Variants in CYP7B1 observed in about 807,000 individuals in gnomAD.
CYP7B1 encodes cytochrome P450 7B1.
A neutral mutation model predicts 42.7 loss-of-function variants in CYP7B1; 29 were observed. The ratio of observed to expected loss-of-function variants is 0.68; its 90% CI spans 0.51 to 0.93. The LOEUF (loss-of-function observed/expected upper bound fraction) is 0.93. CYP7B1 is among the 40% of genes least tolerant of loss of function. CYP7B1 has a pLI of 0.00. For synonymous variants in CYP7B1, 235 were observed against 218.2 expected (o/e 1.08, Z -0.68); for missense variants, 655 against 600.5 (o/e 1.09, Z -0.95).
intron 5 of CYP7B1, among the ~76,000 whole-genome samples, chr8:64,601,359 C>A (rs186314741): frequency 2.6e-5 from 4 of 152,310 alleles, no homozygotes; most frequent in Admixed American, 2.6e-4. Flanking sequence ...GCATTGCCAT[C>A]TTAAATGTCT....
At chr8:64,738,928 T>G in intron 1 of CYP7B1, among the ~76,000 whole-genome samples, 1 of 152,288 alleles carries the variant, frequency 6.6e-6, no homozygotes, top group East Asian at 1.9e-4. Flanking sequence ...CTGGGAGCCA[T>G]AGTCTTGGGC....
At chr8:64,775,829 A>G (rs1342718227) in intron 1 of CYP7B1, among the ~76,000 whole-genome samples, 9 of 152,142 alleles carry the variant, frequency 5.9e-5, no homozygotes, top group Non-Finnish European at 8.8e-5. Context: ...CACATTTCAC[A>G]TAGCAGAAAT....
rs113730024 is a variant in CYP7B1 at position 64,785,817 on chromosome 8, C to T, written c.122+12649G>A. 2.3e-3 allele frequency among the ~76,000 whole-genome samples: 343 copies of T among 152,122 alleles called. 1 individual carries two copies. Among genetic ancestry groups the T allele is most frequent in the African/African-American group, 8.0e-3 (331 of 41,510 alleles). ...TTTCATGCTGCTATGAAGACATACC[C>T]GAGACTGGGTAATTTATAAAGAAAA... On this transcript the variant is annotated intron_variant, in intron 1 of 5. Transcript: ENST00000310193.
chr8:64,729,225 G>T, intron 1 of CYP7B1, among the ~76,000 whole-genome samples: 1 of 152,144 alleles, frequency 6.6e-6, no homozygotes, highest in East Asian at 1.9e-4. Context: ...TATTTCAGAT[G>T]ATCTTATGAT....
intron 1 of CYP7B1, among the ~76,000 whole-genome samples, chr8:64,781,201 AC>A (rs1804417254): frequency 6.6e-6 from 1 of 152,098 alleles, no homozygotes; most frequent in South Asian, 2.1e-4. Flanking sequence ...CTCATAAGTA[AC>A]CAGCAAAGTC....
chr8:64,686,143 A>G (rs1806637354), intron 1 of CYP7B1, among the ~76,000 whole-genome samples: 1 of 89,438 alleles, frequency 1.1e-5, no homozygotes, highest in Non-Finnish European at 2.3e-5. Context: ...CCCGTCTGGG[A>G]GGTGAGGGGC....
intron 1 of CYP7B1, among the ~76,000 whole-genome samples, chr8:64,710,056 T>C (rs1439771910): frequency 1.3e-5 from 2 of 152,146 alleles, no homozygotes; most frequent in African/African-American, 4.8e-5. Context: ...TCTGAGGATA[T>C]TGTTCAAGCA....
intron 1 of CYP7B1, among the ~76,000 whole-genome samples, chr8:64,627,328 C>T (rs985985242): frequency 1.3e-5 from 2 of 152,160 alleles, no homozygotes; most frequent in East Asian, 1.9e-4. Flanking sequence ...GAGGAGACCA[C>T]GCATGTAACT....
chr8:64,623,555 C>A (rs1805562259), intron 2 of CYP7B1, among the ~76,000 whole-genome samples: 1 of 152,154 alleles, frequency 6.6e-6, no homozygotes, highest in Non-Finnish European at 1.5e-5. Flanking sequence ...GCTGATACAG[C>A]TACATAGTTT....
At chr8:64,776,336 G>A (rs1804327127) in intron 1 of CYP7B1, among the ~76,000 whole-genome samples, 1 of 152,074 alleles carries the variant, frequency 6.6e-6, no homozygotes, top group East Asian at 1.9e-4. Flanking sequence ...AAAGAAGGAG[G>A]TCAGTTTGCA....
chr8:64,741,596 G>T (rs1334984323), intron 1 of CYP7B1, among the ~76,000 whole-genome samples: 1 of 152,178 alleles, frequency 6.6e-6, no homozygotes, highest in Non-Finnish European at 1.5e-5. Flanking sequence ...GGGATTACAG[G>T]CATGAGCCAT....
At chr8:64,587,612 TC>T (rs986989293), downstream of CYP7B1, among the ~76,000 whole-genome samples, 56 of 152,356 alleles carry the variant, frequency 3.7e-4, no homozygotes, top group African/African-American at 1.3e-3. Flanking sequence ...CTGCTCGCTT[TC>T]CCTGAGGTTA....
At chr8:64,695,163 C>T (rs529696975) in intron 1 of CYP7B1, among the ~76,000 whole-genome samples, 5 of 152,266 alleles carry the variant, frequency 3.3e-5, no homozygotes, top group East Asian at 3.9e-4. Context: ...TGAGGTGAAA[C>T]GAGCAGGTGG....
At chr8:64,764,430 A>G (rs1807941118) in intron 1 of CYP7B1, among the ~76,000 whole-genome samples, 1 of 152,122 alleles carries the variant, frequency 6.6e-6, no homozygotes, top group Non-Finnish European at 1.5e-5. Flanking sequence ...AGAGAAAGAC[A>G]GAAAGGAAGA....
chr8:64,604,621 G>A, intron 5 of CYP7B1, 61 bp downstream of exon 5: 2 of 1,594,752 alleles, frequency 1.3e-6, no homozygotes, highest in Non-Finnish European at 1.7e-6. Context: ...AGATAGGGAT[G>A]GAAGAGGAAT....
At chr8:64,696,781 A>T (rs1806835478) in intron 1 of CYP7B1, among the ~76,000 whole-genome samples, 1 of 152,128 alleles carries the variant, frequency 6.6e-6, no homozygotes, top group African/African-American at 2.4e-5. Flanking sequence ...AGCACTGGTT[A>T]ACTGACAGAA....
At chr8:64,763,194 G>A (rs368812123) in intron 1 of CYP7B1, among the ~76,000 whole-genome samples, 19 of 152,292 alleles carry the variant, frequency 1.2e-4, no homozygotes, top group Admixed American at 8.5e-4. Flanking sequence ...GCTCCTGATC[G>A]GGCTAAAGGC....
intron 1 of CYP7B1, among the ~76,000 whole-genome samples, chr8:64,789,131 T>C (rs1563429056): frequency 6.6e-6 from 1 of 152,144 alleles, no homozygotes; most frequent in Non-Finnish European, 1.5e-5. Flanking sequence ...TTTCACCAGG[T>C]TGGCCAGGCT....
At chr8:64,781,673 A>G (rs1445244391) in intron 1 of CYP7B1, among the ~76,000 whole-genome samples, 4 of 152,158 alleles carry the variant, frequency 2.6e-5, no homozygotes, top group Non-Finnish European at 5.9e-5. Context: ...CCTCTCAAAA[A>G]CTGCAAGATA....
Sources: allele counts gnomAD v4.1 joint callset (sites outside exome capture counted in the v4.1 genomes callset), GRCh38; gene constraint gnomAD v4.1.1; transcripts MANE v1.5; gene names NCBI Gene and HGNC (gene_info 2026-07-23, HGNC 2026-07-21).